Variants in ASCC3 observed in about 807,000 individuals in gnomAD.
The protein encoded by ASCC3 is activating signal cointegrator 1 complex subunit 3.
A neutral mutation model predicts 256.3 loss-of-function variants in ASCC3; 158 were observed. That is an observed-to-expected ratio of 0.62 (90% CI 0.54 to 0.70). The LOEUF is 0.70. Among genes scored for constraint, ASCC3 ranks in the 30% least tolerant of loss-of-function variants. The probability of loss-of-function intolerance (pLI) is 0.00; values close to 1 mark genes in which losing one functional copy is unlikely to be tolerated. For missense variants in ASCC3, 2,259 were observed against 2,626.0 expected, an observed-to-expected ratio of 0.86 and a Z score of 3.05; for synonymous variants, 948 against 883.4, an observed-to-expected ratio of 1.07 and a Z score of -1.30.
At chr6:100,521,820 G>A (rs115389103) in intron 37 of ASCC3, among the ~76,000 whole-genome samples, 1,712 of 152,314 alleles carry the variant, frequency 0.011, 38 homozygotes, top group African/African-American at 0.039. Context: ...AGTCCTGGTA[G>A]CTTGCACTGA....
At position 100,639,543 on chromosome 6, in the gene ASCC3, T is replaced by C. The variant is rs186868584; in HGVS notation, c.3902-722A>G. 9.8e-5 allele frequency among the ~76,000 whole-genome samples: 15 copies of C among 152,328 alleles called. No individual in the cohort carries two copies. In the East Asian group the frequency reaches 1.7e-3, roughly 18 times the overall value. ...CAGAAGGCCACTTTACTCTCAAGAT[T>C]ATTTCATGAAAGATAAATCCAGTCA... On this transcript the variant is annotated intron_variant, in intron 24 of 41. Transcript: ENST00000369162.
intron 34 of ASCC3, among the ~76,000 whole-genome samples, chr6:100,591,602 GA>G (rs1466540541): frequency 6.6e-6 from 1 of 151,956 alleles, no homozygotes; most frequent in Non-Finnish European, 1.5e-5. Context: ...AGGATTTGTA[GA>G]GTAAGAATCA....
At chr6:100,584,355 G>C (rs369264007) in intron 36 of ASCC3, among the ~76,000 whole-genome samples, 7 of 151,496 alleles carry the variant, frequency 4.6e-5, no homozygotes, top group Non-Finnish European at 8.8e-5. Flanking sequence ...CCTTCTTTGT[G>C]TCTTTTGATC....
At chr6:100,635,466 G>A (rs1483056323) in intron 25 of ASCC3, among the ~76,000 whole-genome samples, 4 of 152,182 alleles carry the variant, frequency 2.6e-5, no homozygotes, top group African/African-American at 9.6e-5. Context: ...CTGGTCAACA[G>A]GTATAAAGTT....
chr6:100,626,207 G>A (rs552564140), intron 29 of ASCC3, among the ~76,000 whole-genome samples: 31 of 152,044 alleles, frequency 2.0e-4, no homozygotes, highest in African/African-American at 7.5e-4. Context: ...AAGATGCCAC[G>A]AGTAGAATAT....
chr6:100,620,741 T>C (rs1582577242), intron 30 of ASCC3, among the ~76,000 whole-genome samples: 1 of 152,124 alleles, frequency 6.6e-6, no homozygotes, highest in Admixed American at 6.6e-5. Context: ...ATTACCCATG[T>C]CCTGCCACAG....
intron 8 of ASCC3, among the ~76,000 whole-genome samples, chr6:100,785,529 G>C (rs897255820): frequency 2.0e-5 from 3 of 151,994 alleles, no homozygotes; most frequent in Non-Finnish European, 4.4e-5. Flanking sequence ...AGCCTCCAGA[G>C]TACCTAGGAC....
chr6:100,690,171 G>C (rs1020707385), intron 13 of ASCC3, among the ~76,000 whole-genome samples: 9 of 152,006 alleles, frequency 5.9e-5, no homozygotes, highest in African/African-American at 2.2e-4. Context: ...ACATCCTTCT[G>C]TATACTTTAT....
At chr6:100,617,933 A>G (rs75564982) in intron 30 of ASCC3, among the ~76,000 whole-genome samples, 2,308 of 152,220 alleles carry the variant, frequency 0.015, 46 homozygotes, top group African/African-American at 0.053. Context: ...TGATGCATCC[A>G]TGTTCATATG....
intron 20 of ASCC3, 105 bp from the exon 21 acceptor site, chr6:100,647,556 T>A (rs1363155552): frequency 1.0e-6 from 1 of 963,028 alleles, no homozygotes; most frequent in Non-Finnish European, 1.6e-6. Context: ...CAAGTCAAGC[T>A]GCATCCTTGA....
rs577271942 is a variant in ASCC3 at position 100,518,627 on chromosome 6, A to G, written c.5776-485T>C. On this transcript the variant is annotated intron_variant, in intron 37 of 41. Transcript: ENST00000369162. The stretch of plus-strand genomic sequence containing the variant: ...AAAGATAGAGGCCTGGTTTTCAATG[A>G]CAATAATACACCACACCACACACTA... Among the ~76,000 whole-genome samples, 6 of 152,276 alleles carry G rather than the reference A, an allele frequency of 3.9e-5. No individual in the cohort carries two copies. The South Asian group carries it at 1.2e-3, about 32-fold the overall frequency.
intron 37 of ASCC3, among the ~76,000 whole-genome samples, chr6:100,524,509 A>G (rs916176727): frequency 2.0e-4 from 30 of 152,174 alleles, no homozygotes; most frequent in African/African-American, 7.2e-4. Context: ...GTTTCATTGC[A>G]AGGAAATAGC....
In ASCC3 at chr6:100,509,141, T is replaced by C; in HGVS notation, c.*245A>G. On this transcript the variant is annotated 3_prime_UTR_variant, in exon 42 of 42. Transcript: ENST00000369162. ...ACACAAATTAAAAGATTATTCTAAA[T>C]GCTTTTTCATCTTACATATCAAGAA... 1 of 507,806 alleles carries C rather than the reference T, an allele frequency of 2.0e-6. No individual in the cohort carries two copies. Among genetic ancestry groups the C allele is most frequent in the Non-Finnish European group, 3.5e-6 (1 of 281,690 alleles). The allele number at this position is 507,806 out of a possible 1,614,324, so 31.5% of individuals were successfully genotyped here. A position where few individuals can be genotyped will look rare whatever the true frequency, so the allele number is the denominator to read the frequency against.
At chr6:100,675,077 C>T (rs908035893) in intron 14 of ASCC3, among the ~76,000 whole-genome samples, 3 of 151,496 alleles carry the variant, frequency 2.0e-5, no homozygotes, top group East Asian at 3.9e-4. Flanking sequence ...GAGGTTACCT[C>T]CCTTTGAAAA....
intron 4 of ASCC3, among the ~76,000 whole-genome samples, chr6:100,840,147 T>A (rs1772066526): frequency 6.6e-6 from 1 of 152,162 alleles, no homozygotes; most frequent in Admixed American, 6.5e-5. Flanking sequence ...GGCATATCAC[T>A]TTAGAGTATA....
At chr6:100,712,413 C>T (rs1272253263) in intron 13 of ASCC3, among the ~76,000 whole-genome samples, 1 of 151,998 alleles carries the variant, frequency 6.6e-6, no homozygotes, top group African/African-American at 2.4e-5. Context: ...ACTCTTAAAA[C>T]CCAACAATAA....
chr6:100,677,524 G>A (rs1202705001), intron 14 of ASCC3, among the ~76,000 whole-genome samples: 2 of 151,960 alleles, frequency 1.3e-5, no homozygotes, highest in Admixed American at 6.6e-5. Flanking sequence ...CTCAGTTTTC[G>A]TTTCCTTATC....
At chr6:100,788,592 G>A (rs535753527) in intron 8 of ASCC3, among the ~76,000 whole-genome samples, 3 of 151,450 alleles carry the variant, frequency 2.0e-5, no homozygotes, top group South Asian at 2.1e-4. Context: ...ATTGAAGTAC[G>A]GATACAAAAT....
intron 36 of ASCC3, among the ~76,000 whole-genome samples, chr6:100,562,725 C>T (rs977527687): frequency 2.6e-5 from 4 of 151,850 alleles, no homozygotes; most frequent in African/African-American, 9.7e-5. Flanking sequence ...TGTGTACATA[C>T]ATTTTGACAG....
Sources: gnomAD v4.1 joint callset for allele counts (sites outside exome capture counted in the v4.1 genomes callset) on GRCh38, gnomAD v4.1.1 for gene constraint, MANE v1.5 for transcripts, NCBI Gene and HGNC (gene_info 2026-07-23, HGNC 2026-07-21) for gene names.